The following ITGA4 variants were observed in gnomAD, a reference collection of about 807,000 sequenced individuals.
The protein encoded by ITGA4 is integrin alpha-4.
Under a neutral mutation model 133.6 loss-of-function variants are expected in ITGA4, and 63 were observed. The ratio of observed to expected loss-of-function variants is 0.47; its 90% confidence interval spans 0.38 to 0.58. ITGA4 has a LOEUF of 0.58. Among genes scored for constraint, ITGA4 ranks in the 20% least tolerant of loss-of-function variants. The pLI, the probability that ITGA4 is intolerant of heterozygous loss-of-function variation, is 0.00. For synonymous variants in ITGA4, 483 were observed against 438.0 expected (o/e 1.10, Z -1.28); for missense variants, 1,076 against 1,252.7 (o/e 0.86, Z 2.13).
Position 181,538,309 on chromosome 2 carries a change from T to C in ITGA4, c.*2782T>C, listed in dbSNP as rs1375504650. ...GTTTTTCACATACACCTAATAAGTA[T>C]GGTACACAATGCCAATGCCAAATAC... is the stretch of plus-strand genomic sequence containing the variant. On this transcript the variant is annotated 3_prime_UTR_variant, in exon 28 of 28. Coordinates refer to ENST00000397033, the MANE Select transcript of ITGA4 (RefSeq NM_000885.6). 9.0e-6 allele frequency: 8 copies of C among 892,176 alleles called. No individual in the cohort carries two copies. The highest frequency in any genetic ancestry group is 7.4e-5 in the Admixed American group (4 of 54,312). 55.3% of individuals were successfully genotyped at this position (892,176 alleles called of 1,614,324 possible). A position where few individuals can be genotyped will look rare whatever the true frequency, so the allele number is the denominator to read the frequency against.
chr2:181,502,230 G>A (rs1011462573), intron 15 of ITGA4, among the ~76,000 whole-genome samples: 1 of 152,054 alleles, frequency 6.6e-6, no homozygotes, highest in Non-Finnish European at 1.5e-5. Flanking sequence ...AGACATTAGT[G>A]GGGGAACGGG....
At chr2:181,531,251 T>C (rs1366793242) in intron 24 of ITGA4, among the ~76,000 whole-genome samples, 1 of 152,194 alleles carries the variant, frequency 6.6e-6, no homozygotes, top group East Asian at 1.9e-4. Flanking sequence ...GTGGCATGGG[T>C]TAATTTTCAT....
chr2:181,508,032 G>A (rs953557107), intron 15 of ITGA4, among the ~76,000 whole-genome samples: 1 of 151,978 alleles, frequency 6.6e-6, no homozygotes, highest in Non-Finnish European at 1.5e-5. Context: ...TTTTTTTAAT[G>A]AGGATAGCAA....
intron 2 of ITGA4, among the ~76,000 whole-genome samples, chr2:181,462,973 C>A (rs1685323669): frequency 6.6e-6 from 1 of 152,108 alleles, no homozygotes; most frequent in Non-Finnish European, 1.5e-5. Flanking sequence ...GTCCCAAAGG[C>A]TTTAAAGTTT....
At chr2:181,480,498 ACTC>A (rs1685778251) in intron 6 of ITGA4, among the ~76,000 whole-genome samples, 1 of 151,972 alleles carries the variant, frequency 6.6e-6, no homozygotes, top group African/African-American at 2.4e-5. Context: ...TCTTAATAGA[ACTC>A]CTAGTTTAGT....
intron 15 of ITGA4, among the ~76,000 whole-genome samples, chr2:181,507,076 A>G (rs1000754549): frequency 6.6e-6 from 1 of 152,126 alleles, no homozygotes; most frequent in African/African-American, 2.4e-5. Context: ...CCATATGAAA[A>G]GTAGAGTCAA....
chr2:181,471,099 A>G (rs951454200), intron 2 of ITGA4, among the ~76,000 whole-genome samples: 3 of 152,154 alleles, frequency 2.0e-5, no homozygotes, highest in African/African-American at 7.2e-5. Context: ...ACTTATTAAG[A>G]TTGGTTTTTC....
In ITGA4 at chr2:181,478,786, G is replaced by A. The variant is rs766283589; in HGVS notation, c.586G>A (p.Ala196Thr). Reference sequence around the variant, plus strand: ...TGTGAAAAAATTTGGAGAAAATTTTGCATCATGTCAAGCTGGAATATCCAG... The same window carrying A: ...TGTGAAAAAATTTGGAGAAAATTTTACATCATGTCAAGCTGGAATATCCAG... ...DYVKKFGENF[A>T]SCQAGISSFY... is the part of the protein sequence containing the mutation. Residue 196 changes from alanine (A) to threonine (T), a missense_variant, in exon 5 of 28, where the codon GCA (alanine) becomes ACA (threonine). By Grantham distance (58) the Ala-to-Thr change is moderately conservative. Coordinates refer to ENST00000397033, the MANE Select transcript of ITGA4 (RefSeq NM_000885.6). 2.0e-6 allele frequency: 3 copies of A among 1,487,566 alleles called. No homozygotes were observed. The Admixed American group carries it at 6.2e-5, about 31-fold the overall frequency. 92.1% of individuals were successfully genotyped at this position (1,487,566 alleles called of 1,614,324 possible). A position where few individuals can be genotyped will look rare whatever the true frequency, so the allele number is the denominator to read the frequency against.
chr2:181,518,245 G>C (rs1474169799), intron 17 of ITGA4, among the ~76,000 whole-genome samples: 2 of 152,074 alleles, frequency 1.3e-5, no homozygotes, highest in Admixed American at 1.3e-4. Context: ...GTGATACCCA[G>C]GGTTTGGAAT....
intron 15 of ITGA4, among the ~76,000 whole-genome samples, chr2:181,502,813 T>G (rs1686304853): frequency 6.6e-6 from 1 of 151,818 alleles, no homozygotes; most frequent in Non-Finnish European, 1.5e-5. Flanking sequence ...TGTGCTTGTG[T>G]TTTTTTTCCC....
At chr2:181,468,364 T>A (rs2105718879) in intron 2 of ITGA4, among the ~76,000 whole-genome samples, 1 of 152,322 alleles carries the variant, frequency 6.6e-6, no homozygotes, top group South Asian at 2.1e-4. Context: ...AGTTTGGTGA[T>A]AATTATGCAG....
rs1162247566 is a variant in ITGA4 at position 181,538,648 on chromosome 2, G to A, written c.*3121G>A. On this transcript the variant is annotated 3_prime_UTR_variant, in exon 28 of 28. Coordinates refer to ENST00000397033, the MANE Select transcript of ITGA4 (RefSeq NM_000885.6). Reference sequence around the variant, plus strand: ...GTTCCCAAGGGAAGTTGAATGCTCTGTAAAGGCCTAATAAAAGCAAATTAC... The same window carrying A: ...GTTCCCAAGGGAAGTTGAATGCTCTATAAAGGCCTAATAAAAGCAAATTAC... 1.3e-5 allele frequency among the ~76,000 whole-genome samples: 2 copies of A among 152,068 alleles called. No homozygotes were observed. The highest frequency in any genetic ancestry group is 2.9e-5 in the Non-Finnish European group (2 of 67,982).
intron 25 of ITGA4, among the ~76,000 whole-genome samples, chr2:181,533,338 C>A (rs942766510): frequency 6.6e-6 from 1 of 152,180 alleles, no homozygotes; most frequent in African/African-American, 2.4e-5. Flanking sequence ...AAGAAATATC[C>A]ATTTTAGTTT....
At position 181,458,210 on chromosome 2, in the gene ITGA4, C is replaced by T; in HGVS notation, c.212C>T (p.Ala71Val). Residue 71 changes from alanine to valine, a missense_variant, in exon 2 of 28, where the codon GCG (alanine) becomes GTG (valine). Coordinates refer to ENST00000397033, the MANE Select transcript of ITGA4 (RefSeq NM_000885.6). ...TCTCGCTTTAGGCTCCTAGTGGGTG[C>T]GCCCACTGCCAACTGGCTCGCCAAC... ...HGANRWLLVG[A>V]PTANWLANAS... 1.2e-6 allele frequency: 2 copies of T among 1,613,936 alleles called. No individual in the cohort carries two copies. The highest frequency in any genetic ancestry group is 1.3e-5 in the African/African-American group (1 of 75,042).
chr2:181,515,530 A>T (rs1686587182), intron 17 of ITGA4, among the ~76,000 whole-genome samples: 1 of 152,098 alleles, frequency 6.6e-6, no homozygotes, highest in South Asian at 2.1e-4. Context: ...AGCTGCTGTG[A>T]CTGGCTCAGT....
chr2:181,472,047 G>A (rs1468347246), intron 2 of ITGA4, among the ~76,000 whole-genome samples: 2 of 152,220 alleles, frequency 1.3e-5, no homozygotes, highest in Admixed American at 1.3e-4. Flanking sequence ...TCAGGGAAGT[G>A]ATGTTAGTAA....
intron 2 of ITGA4, among the ~76,000 whole-genome samples, chr2:181,467,421 A>G (rs990452163): frequency 4.6e-5 from 7 of 152,162 alleles, no homozygotes; most frequent in Admixed American, 6.5e-5. Context: ...TAAAGCAGGC[A>G]TTTACTTGCA....
Position 181,473,705 on chromosome 2 carries a change from T to C in ITGA4, c.320-1255T>C, listed in dbSNP as rs1038173372. ...TAGCCTTACCAGGCATAGTGGCTTA[T>C]GCTGGTAATCCCAGCACTTTAGGAG... is the stretch of plus-strand genomic sequence containing the variant. On this transcript the variant is annotated intron_variant, in intron 2 of 27. Transcript: ENST00000397033. Among the ~76,000 whole-genome samples the C allele has an allele frequency of 3.9e-5, 6 of 152,228 alleles. No homozygotes were observed. The South Asian group carries it at 1.2e-3, about 32-fold the overall frequency.
chr2:181,465,959 T>C (rs1198986284), intron 2 of ITGA4, among the ~76,000 whole-genome samples: 1 of 152,166 alleles, frequency 6.6e-6, no homozygotes, highest in Non-Finnish European at 1.5e-5. Flanking sequence ...TTTGCATGTA[T>C]TAAAACTGTG....
Sources: allele counts gnomAD v4.1 joint callset (sites outside exome capture counted in the v4.1 genomes callset), GRCh38; gene constraint gnomAD v4.1.1; transcripts MANE v1.5; gene names NCBI Gene and HGNC (gene_info 2026-07-23, HGNC 2026-07-21).